Variants in ABCA2 observed in about 807,000 individuals in gnomAD.
ABCA2 encodes the protein ATP binding cassette subfamily A member 2.
Under a neutral mutation model 262.8 loss-of-function variants are expected in ABCA2, and 84 were observed. The observed-to-expected ratio is 0.32, with a 90% confidence interval of 0.27 to 0.38. The LOEUF is 0.38. ABCA2 is among the 10% of genes least tolerant of loss of function. ABCA2 has a pLI of 1.00. For synonymous variants in ABCA2, 1,696 were observed against 1,502.9 expected, an observed-to-expected ratio of 1.13 and a Z score of -2.97; for missense variants, 2,662 against 3,405.9, an observed-to-expected ratio of 0.78 and a Z score of 5.44.
chr9:137,013,275 T>C lies in ABCA2; in HGVS notation c.4594A>G (p.Thr1532Ala). ...PDASPQQLVS[T>A]FRLPSGVGAT... ...CCCACCCCCGACGGCAGCCGGAACG[T>C]GCTCACGAGCTGCTGGGGGCTGGCG... Residue 1532 changes from threonine to alanine, a missense_variant, in exon 30 of 49, where the codon ACG (threonine) becomes GCG (alanine). Thr to Ala is a moderately conservative substitution (Grantham distance 58). Coordinates refer to ENST00000341511, the MANE Select transcript of ABCA2 (RefSeq NM_001606.5). 6.3e-7 allele frequency: 1 copy of C among 1,586,032 alleles called. No homozygotes were observed. The highest frequency in any genetic ancestry group is 1.3e-5 in the African/African-American group (1 of 74,592).
intron 34 of ABCA2, 36 bp from the exon 35 acceptor site, chr9:137,012,054 G>C: frequency 6.2e-7 from 1 of 1,612,404 alleles, no homozygotes; most frequent in Non-Finnish European, 8.5e-7. Flanking sequence ...CACGGCCGGG[G>C]CTGCAGTGCC....
chr9:137,014,252 C>T lies in ABCA2; in HGVS notation c.4156G>A (p.Glu1386Lys), dbSNP rs748733126. ...ASSVGSARGDEGAGYTDVYGD... is the reference protein window; with the variant it reads ...ASSVGSARGDKGAGYTDVYGD... ...TAGACGTCGGTGTAGCCAGCTCCCT[C>T]GTCGCCACGGGCAGAGCCCACAGAT... The change falls in exon 27 of 49, where the codon GAG becomes AAG. Residue 1386 changes from glutamate (E) to lysine (K), a missense_variant. Coordinates refer to ENST00000341511, the MANE Select transcript of ABCA2 (RefSeq NM_001606.5). 2.3e-5 allele frequency: 37 copies of T among 1,610,540 alleles called. No individual in the cohort carries two copies. Among genetic ancestry groups the T allele is most frequent in the South Asian group, 7.7e-5 (7 of 90,592 alleles).
rs528518007 is a variant in ABCA2, at chr9:137,014,204, C to T, written c.4204G>A (p.Asp1402Asn). ...DVYGDYRPLFDNPQDPDNVSL... is the reference protein window; with the variant it reads ...DVYGDYRPLFNNPQDPDNVSL... ...ACATTGTCTGGGTCCTGTGGGTTAT[C>T]AAAGAGGGGGCGGTAGTCGCCATAG... Residue 1402 changes from aspartate (D) to asparagine (N), a missense_variant, in exon 27 of 49, where the codon GAT becomes AAT. Around this residue, in one of 12 missense-constraint regions of ABCA2, gnomAD observed 297 missense variants for 286.5 expected, o/e 1.04. Transcript: ENST00000341511. 5 of 1,609,296 alleles carry T rather than the reference C, an allele frequency of 3.1e-6. No homozygotes were observed. Among genetic ancestry groups the T allele is most frequent in the East Asian group, 2.2e-5 (1 of 44,806 alleles).
At position 137,020,799 on chromosome 9, in the gene ABCA2, G is replaced by A; in HGVS notation, c.1160C>T (p.Ala387Val). 6.3e-7 allele frequency: 1 copy of A among 1,583,374 alleles called. No individual in the cohort carries two copies. Residue 387 changes from alanine to valine, a missense_variant, in exon 9 of 49, where the codon GCA (alanine) becomes GTA (valine). Coordinates refer to ENST00000341511, the MANE Select transcript of ABCA2 (RefSeq NM_001606.5). ...MGPNATAEEGAPSAAALATPD... is the reference protein window; with the variant it reads ...MGPNATAEEGVPSAAALATPD... Reference sequence around the variant, plus strand: ...GGTGGCCAGTGCTGCAGCAGAGGGTGCGCCCTCCTCAGCGGTGGCGTTGGG... The same window carrying A: ...GGTGGCCAGTGCTGCAGCAGAGGGTACGCCCTCCTCAGCGGTGGCGTTGGG...
upstream of ABCA2, chr9:137,028,265 C>G: frequency 1.0e-6 from 1 of 978,610 alleles, no homozygotes; most frequent in Non-Finnish European, 1.2e-6. The surrounding 1 kb of genome is among the most constrained non-coding windows in gnomAD (Gnocchi z 6.9). Flanking sequence ...GCGTCCGGGA[C>G]CCGATCCGCG....
Position 137,014,384 on chromosome 9 carries a change from C to G in ABCA2, c.4024G>C (p.Asp1342His). ...SEADVKESRK[D>H]VLPGAEGPAS... The stretch of plus-strand genomic sequence containing the variant: ...GGGCCCTCCGCCCCAGGGAGCACAT[C>G]CTTCCTGGACTCCTTCACATCTGCC... Residue 1342 changes from aspartate (D) to histidine (H), a missense_variant, in exon 27 of 49, where the codon GAT becomes CAT. Physicochemically the swap from Asp to His is moderately conservative, Grantham distance 81. Coordinates refer to ENST00000341511, the MANE Select transcript of ABCA2 (RefSeq NM_001606.5). The G allele has an allele frequency of 6.3e-7, 1 of 1,593,484 alleles. No individual in the cohort carries two copies. Among genetic ancestry groups the G allele is most frequent in the South Asian group, 1.1e-5 (1 of 88,164 alleles).
rs1229858522 is a variant in ABCA2 at position 137,022,444 on chromosome 9, G to A, written c.474C>T (p.Asn158=). 9 of 1,611,902 alleles carry A rather than the reference G, an allele frequency of 5.6e-6. No homozygotes were observed. The highest frequency in any genetic ancestry group is 6.8e-6 in the Non-Finnish European group (8 of 1,179,768). ...SSFSLDSVAR[N]PQELWRFLTQ... Reference sequence around the variant, plus strand: ...TCAGGAAACGCCAGAGCTCCTGCGGGTTTCTGGCCACCGAGTCCAGAGAGA... The same window carrying A: ...TCAGGAAACGCCAGAGCTCCTGCGGATTTCTGGCCACCGAGTCCAGAGAGA... Residue 158 remains asparagine, a synonymous_variant, in exon 6 of 49, where the codon AAC becomes AAT. Transcript: ENST00000341511.
At chr9:137,015,225 G>A in intron 24 of ABCA2, 128 bp from the exon 25 acceptor site, 1 of 1,250,494 alleles carries the variant, frequency 8.0e-7, no homozygotes, top group Non-Finnish European at 1.1e-6. Flanking sequence ...GGTATCCTGG[G>A]CCCAGGGGGT....
At position 137,019,524 on chromosome 9, in the gene ABCA2, G is replaced by A; in HGVS notation, c.1426-218C>T. 3 of 532,416 alleles carry A rather than the reference G, an allele frequency of 5.6e-6. No homozygotes were observed. Among genetic ancestry groups the A allele is most frequent in the South Asian group, 2.3e-5 (1 of 43,622 alleles). The allele number at this position is 532,416 out of a possible 1,614,324, so 33.0% of individuals were successfully genotyped here. A position where few individuals can be genotyped will look rare whatever the true frequency, so the allele number is the denominator to read the frequency against. On this transcript the variant is annotated intron_variant, in intron 10 of 48. Coordinates refer to ENST00000341511, the MANE Select transcript of ABCA2 (RefSeq NM_001606.5). The surrounding 1 kb of genome is among the most constrained non-coding windows in gnomAD (Gnocchi z 4.4). ...TGCAGCCTCCACCTCCCAGGCTCAAGGGATCCTCCCGCCTCAGCCCTCCAA... is the reference window on the plus strand; with the variant it reads ...TGCAGCCTCCACCTCCCAGGCTCAAAGGATCCTCCCGCCTCAGCCCTCCAA...
Position 137,011,100 on chromosome 9 carries a change from A to G in ABCA2, c.5929T>C (p.Phe1977Leu). ...TCGAACGGGGACTTCATCTTGTCAA[A>G]CTGGCCTGCGGGGAGACAGCTCAGG... ...INEYYAKIGQ[F>L]DKMKSPFEWD... Residue 1977 changes from phenylalanine to leucine, a missense_variant, in exon 39 of 49, where the codon TTT (phenylalanine) becomes CTT (leucine). Transcript: ENST00000341511. This position sits in a 1 kb window ranked among gnomAD's most constrained non-coding sequence, Gnocchi z 8.8. 1 of 1,611,490 alleles carries G rather than the reference A, an allele frequency of 6.2e-7. No homozygotes were observed. The highest frequency in any genetic ancestry group is 8.5e-7 in the Non-Finnish European group (1 of 1,179,364).
intron 45 of ABCA2, 94 bp downstream of exon 45, chr9:137,009,276 T>G: frequency 2.3e-6 from 1 of 439,906 alleles, no homozygotes; most frequent in Non-Finnish European, 3.2e-6. Context: ...CCCACAGCCC[T>G]CACAGCCCTG....
rs551086046 is a variant in ABCA2, at chr9:137,015,009, C to T, written c.3786G>A (p.Val1262=). Residue 1262 remains valine, a synonymous_variant, in exon 25 of 49, where the codon GTG becomes GTA. Transcript: ENST00000341511. ...LQVSQFIRKH[V]ASCLLVSDTS... ...TGTCTGAGACCAGCAGGCAGGAGGC[C>T]ACATGCTTGCGGATGAACTGGGACA... 3.1e-6 allele frequency: 5 copies of T among 1,604,208 alleles called. No homozygotes were observed. The South Asian group carries it at 3.3e-5, about 11-fold the overall frequency.
Position 137,015,946 on chromosome 9 carries a change from C to CGGGGGGGGGGGGGGGGGG in ABCA2, c.3317+15_3317+16insCCCCCCCCCCCCCCCCCC. On this transcript the variant is annotated intron_variant, in intron 22 of 48. Coordinates refer to ENST00000341511, the MANE Select transcript of ABCA2 (RefSeq NM_001606.5). ...GCCTCCGCCCACCTGCCCCGCCCCC[C>CGGGGGGGGGGGGGGGGGG]GCCCAGCCCACCCACTTGTCCATCT... is the stretch of plus-strand genomic sequence containing the variant. The CGGGGGGGGGGGGGGGGGG allele has an allele frequency of 2.1e-6, 1 of 484,328 alleles. No individual in the cohort carries two copies. Among genetic ancestry groups the CGGGGGGGGGGGGGGGGGG allele is most frequent in the Non-Finnish European group, 4.0e-6 (1 of 253,150 alleles). The allele number at this position is 484,328 out of a possible 1,614,324, so 30.0% of individuals were successfully genotyped here.
Position 137,021,990 on chromosome 9 carries a change from C to T in ABCA2, c.579G>A (p.Leu193=). Residue 193 remains leucine (L), a synonymous_variant, in exon 7 of 49, where the codon CTG becomes CTA. Coordinates refer to ENST00000341511, the MANE Select transcript of ABCA2 (RefSeq NM_001606.5). This position sits in a 1 kb window ranked among gnomAD's most constrained non-coding sequence, Gnocchi z 6.0. ...ARVDPPEVYH[L]LFGPSSALDS... Reference sequence around the variant, plus strand: ...CCAGGGCAGATGAGGGACCAAAGAGCAGGTGGTAGACCTAGGAGGTGTGGG... The same window carrying T: ...CCAGGGCAGATGAGGGACCAAAGAGTAGGTGGTAGACCTAGGAGGTGTGGG... The T allele has an allele frequency of 6.7e-7, 1 of 1,499,136 alleles. No individual in the cohort carries two copies. The highest frequency in any genetic ancestry group is 1.2e-5 in the South Asian group (1 of 85,188). 92.9% of individuals were successfully genotyped at this position (1,499,136 alleles called of 1,614,324 possible).
Position 137,007,617 on chromosome 9 carries a change from G to A in ABCA2, c.*312C>T, listed in dbSNP as rs930365857. On this transcript the variant is annotated 3_prime_UTR_variant, in exon 49 of 49. Coordinates refer to ENST00000341511, the MANE Select transcript of ABCA2 (RefSeq NM_001606.5). ...AAGGCCAGCAGTGCCTGGTCCAGCCGGCGTCGCCTTGGGCGGTGAGCAGTG... is the reference window on the plus strand; with the variant it reads ...AAGGCCAGCAGTGCCTGGTCCAGCCAGCGTCGCCTTGGGCGGTGAGCAGTG... The A allele has an allele frequency of 6.2e-5, 30 of 484,024 alleles. No homozygotes were observed. The highest frequency in any genetic ancestry group is 1.0e-4 in the Non-Finnish European group (28 of 267,158). 30.0% of individuals were successfully genotyped at this position (484,024 alleles called of 1,614,324 possible).
In ABCA2 at chr9:137,016,627, C is replaced by T. The variant is rs201250586; in HGVS notation, c.2870G>A (p.Arg957His). 123 of 1,611,148 alleles carry T rather than the reference C, an allele frequency of 7.6e-5. No homozygotes were observed. The highest frequency in any genetic ancestry group is 6.8e-4 in the South Asian group (62 of 91,010). ...CTGGTCCTCCTCCATGACACTGAGG[C>T]GGGGGGTGCGTGCCCACGGCCAGCT... ...EWSWPWARTP[R>H]LSVMEEDQAC... Residue 957 changes from arginine to histidine, a missense_variant, in exon 20 of 49, where the codon CGC becomes CAC. By Grantham distance (29) the Arg-to-His change is conservative. Around this residue, in one of 12 missense-constraint regions of ABCA2, gnomAD observed 133 missense variants for 150.8 expected, o/e 0.88. Transcript: ENST00000341511.
Position 137,011,831 on chromosome 9 carries a change from A to C in ABCA2, c.5535+13T>G. 6.4e-7 allele frequency: 1 copy of C among 1,568,590 alleles called. No homozygotes were observed. ...AGAAGGGCCGGGGCACCCCATGGCC[A>C]CGCCGGGCGCACCATGTCCCACACG... On this transcript the variant is annotated intron_variant, in intron 35 of 48. Coordinates refer to ENST00000341511, the MANE Select transcript of ABCA2 (RefSeq NM_001606.5). The surrounding 1 kb of genome is among the most constrained non-coding windows in gnomAD (Gnocchi z 8.8).
Position 137,011,343 on chromosome 9 carries a change from G to A in ABCA2, c.5800-34C>T. On this transcript the variant is annotated intron_variant, in intron 37 of 48. Coordinates refer to ENST00000341511, the MANE Select transcript of ABCA2 (RefSeq NM_001606.5). This position sits in a 1 kb window ranked among gnomAD's most constrained non-coding sequence, Gnocchi z 8.8. ...TGGCCGGGGTCAGGGGCACAGGGGT[G>A]GCCGGGGTGAGGGGCACAGCCTCCG... The A allele has an allele frequency of 6.2e-7, 1 of 1,604,196 alleles. No homozygotes were observed. Among genetic ancestry groups the A allele is most frequent in the Non-Finnish European group, 8.5e-7 (1 of 1,174,470 alleles).
chr9:137,009,332 G>GGCCCCCCCCCC, intron 45 of ABCA2, 38 bp downstream of exon 45: 3 of 980,410 alleles, frequency 3.1e-6, no homozygotes, highest in Non-Finnish European at 4.6e-6. Flanking sequence ...CCCCCCCCGG[G>GGCCCCCCCCCC]CCCGCCCCAG....
Sources: gnomAD v4.1 joint callset for allele counts on GRCh38, gnomAD v4.1.1 for gene constraint, gnomAD v4.1.1 regional missense constraint, Gnocchi (gnomAD v3.1) non-coding constraint, MANE v1.5 for transcripts, NCBI Gene and HGNC (gene_info 2026-07-23, HGNC 2026-07-21) for gene names.